Variants in LRP1B observed in about 807,000 individuals in gnomAD.
The protein encoded by LRP1B is low-density lipoprotein receptor-related protein 1B.
In LRP1B, 217 loss-of-function variants were observed where a neutral mutation model predicts 556.6. That is an observed-to-expected ratio of 0.39 (90% CI 0.35 to 0.44). LRP1B has a LOEUF of 0.44. LRP1B is among the 20% of genes least tolerant of loss of function. The pLI is 1.00. For missense variants in LRP1B, 5,053 were observed against 5,620.8 expected (o/e 0.90, Z 3.23); for synonymous variants, 2,047 against 1,865.8 (o/e 1.10, Z -2.50).
At chr2:140,415,022 G>C (rs1056837562) in intron 66 of LRP1B, among the ~76,000 whole-genome samples, 1 of 152,070 alleles carries the variant, frequency 6.6e-6, no homozygotes, top group African/African-American at 2.4e-5. Flanking sequence ...GTCTATAAAC[G>C]GCTGCTCTGG....
chr2:141,128,554 T>C (rs1701272390), intron 7 of LRP1B, among the ~76,000 whole-genome samples: 1 of 152,066 alleles, frequency 6.6e-6, no homozygotes, highest in African/African-American at 2.4e-5. Flanking sequence ...CAGCAGCTCT[T>C]TGAGAATAAT....
At chr2:140,277,372 G>A (rs936691438) in intron 84 of LRP1B, among the ~76,000 whole-genome samples, 1 of 151,890 alleles carries the variant, frequency 6.6e-6, no homozygotes, top group Admixed American at 6.6e-5. Flanking sequence ...GATCATCTGA[G>A]GTCAGGAGTT....
chr2:140,867,121 T>G (rs1392908874), intron 27 of LRP1B, among the ~76,000 whole-genome samples: 2 of 151,966 alleles, frequency 1.3e-5, no homozygotes, highest in Admixed American at 1.3e-4. Flanking sequence ...TGGCAAACAT[T>G]GAGTGGAGGA....
At chr2:140,387,945 T>TG (rs1052369131) in intron 66 of LRP1B, among the ~76,000 whole-genome samples, 3 of 151,570 alleles carry the variant, frequency 2.0e-5, no homozygotes, top group Non-Finnish European at 4.4e-5. Context: ...TTTTTTTTTT[T>TG]TTTTTCCTGG....
chr2:140,769,154 C>G (rs2104934008), intron 35 of LRP1B, 59 bp downstream of exon 35: 2 of 1,464,424 alleles, frequency 1.4e-6, no homozygotes, highest in Non-Finnish European at 9.5e-7. Flanking sequence ...GTATTCCCAT[C>G]ATGTTTAATA....
intron 2 of LRP1B, among the ~76,000 whole-genome samples, chr2:141,489,267 CA>C (rs1683245275): frequency 5.0e-4 from 1 of 2,018 alleles, no homozygotes; most frequent in Non-Finnish European, 6.8e-3. Context: ...GAATTACAGG[CA>C]TGAGCCACTA....
intron 3 of LRP1B, among the ~76,000 whole-genome samples, chr2:141,349,352 T>C (rs1477057480): frequency 6.6e-6 from 1 of 152,006 alleles, no homozygotes; most frequent in South Asian, 2.1e-4. Context: ...TGTTTAAAAC[T>C]CAGCTTTGTC....
chr2:141,737,433 A>T (rs540331498), intron 2 of LRP1B, among the ~76,000 whole-genome samples: 7 of 152,344 alleles, frequency 4.6e-5, no homozygotes, highest in African/African-American at 1.7e-4. Context: ...GCTTACTAGC[A>T]TACAGAGCTT....
chr2:141,650,786 A>G (rs1468960108), intron 2 of LRP1B, among the ~76,000 whole-genome samples: 1 of 150,210 alleles, frequency 6.7e-6, no homozygotes, highest in Non-Finnish European at 1.5e-5. Flanking sequence ...GCTATAGAAT[A>G]TAACCCTCAA....
At chr2:141,334,588 G>T (rs935141532) in intron 3 of LRP1B, among the ~76,000 whole-genome samples, 2 of 152,176 alleles carry the variant, frequency 1.3e-5, no homozygotes, top group Non-Finnish European at 2.9e-5. Flanking sequence ...CTCTTGCTTT[G>T]TCACCCAGGC....
chr2:142,047,057 G>A (rs142333998), intron 1 of LRP1B, among the ~76,000 whole-genome samples: 2 of 152,132 alleles, frequency 1.3e-5, no homozygotes, highest in East Asian at 3.9e-4. Context: ...ACTGTCTGCA[G>A]TACTTCAAAT....
intron 79 of LRP1B, among the ~76,000 whole-genome samples, chr2:140,330,094 G>C (rs1680716779): frequency 6.6e-6 from 1 of 151,320 alleles, no homozygotes; most frequent in Non-Finnish European, 1.5e-5. Flanking sequence ...CAGCTACTTG[G>C]GAGGCTGAGG....
intron 1 of LRP1B, among the ~76,000 whole-genome samples, chr2:142,129,584 T>TTCTCTCTCTCTC (rs56034357): frequency 1.6e-4 from 21 of 134,830 alleles, no homozygotes; most frequent in East Asian, 9.3e-4. Flanking sequence ...CTTTCTCTCT[T>TTCTCTCTCTCTC]TCTCTCTCTC....
At chr2:141,846,816 A>G (rs1048821220) in intron 1 of LRP1B, among the ~76,000 whole-genome samples, 10 of 151,536 alleles carry the variant, frequency 6.6e-5, no homozygotes, top group African/African-American at 2.4e-4. Context: ...AGCTTTAGAA[A>G]TCTAAAACCA....
intron 2 of LRP1B, among the ~76,000 whole-genome samples, chr2:141,489,520 A>T (rs1339729581): frequency 1.3e-5 from 2 of 151,916 alleles, no homozygotes; most frequent in Non-Finnish European, 2.9e-5. Context: ...AACATCATTT[A>T]CTCAATGTTA....
At chr2:141,682,265 T>C (rs567624466) in intron 2 of LRP1B, among the ~76,000 whole-genome samples, 1 of 152,046 alleles carries the variant, frequency 6.6e-6, no homozygotes, top group African/African-American at 2.4e-5. Context: ...TAACTAGCAT[T>C]ACATATATGC....
At chr2:141,224,235 A>T (rs949588050) in intron 6 of LRP1B, among the ~76,000 whole-genome samples, 3 of 150,684 alleles carry the variant, frequency 2.0e-5, no homozygotes, top group Non-Finnish European at 4.4e-5. Context: ...GCCAGCAAAC[A>T]TGTGGAAAAT....
At position 140,378,250 on chromosome 2, in the gene LRP1B, G is replaced by T. The variant is rs761384397; in HGVS notation, c.10568C>A (p.Ala3523Asp). ...CCTTGAAGAAACACAGTCCCCATTG[G>T]CACAGAGGAAATCTTTCAATGTACA... ...QTCTLKDFLCANGDCVSSRFW... is the reference protein window; with the variant it reads ...QTCTLKDFLCDNGDCVSSRFW... The change falls in exon 68 of 91, where the codon GCC (alanine) becomes GAC (aspartate). Residue 3523 changes from alanine to aspartate, a missense_variant. Physicochemically the swap from Ala to Asp is moderately radical, Grantham distance 126 (BLOSUM62 -2). Coordinates refer to ENST00000389484, the MANE Select transcript of LRP1B (RefSeq NM_018557.3). 1.9e-6 allele frequency: 3 copies of T among 1,613,128 alleles called. No individual in the cohort carries two copies. The highest frequency in any genetic ancestry group is 2.2e-5 in the South Asian group (2 of 91,044).
chr2:140,456,502 G>C lies in LRP1B; in HGVS notation c.9916C>G (p.Leu3306Val), dbSNP rs2105321886. 1.9e-6 allele frequency: 3 copies of C among 1,613,480 alleles called. No individual in the cohort carries two copies. Among genetic ancestry groups the C allele is most frequent in the Non-Finnish European group, 2.5e-6 (3 of 1,179,598 alleles). The change falls in exon 62 of 91, where the codon CTG (leucine) becomes GTG (valine). Residue 3306 changes from leucine (L) to valine (V), a missense_variant. This residue lies in a region of LRP1B where 262 missense variants were observed against 395.1 expected (regional missense o/e 0.66). Coordinates refer to ENST00000389484, the MANE Select transcript of LRP1B (RefSeq NM_018557.3). ...AAGCAAGTCCTATTATCAGCTGCCA[G>C]ATAGAAGTTAGTGGGACATGCACAA... is the stretch of plus-strand genomic sequence containing the variant. ...HTCACPTNFY[L>V]AADNRTCLSN...
Sources: allele counts gnomAD v4.1 joint callset (sites outside exome capture counted in the v4.1 genomes callset), GRCh38; gene constraint gnomAD v4.1.1; regional missense constraint gnomAD v4.1.1; transcripts MANE v1.5; gene names NCBI Gene and HGNC (gene_info 2026-07-23, HGNC 2026-07-21).